Variants in PIK3C2G observed in about 807,000 individuals in gnomAD.
PIK3C2G encodes the protein phosphatidylinositol 3-kinase C2 domain-containing subunit gamma.
In PIK3C2G, 168 loss-of-function variants were observed where a neutral mutation model predicts 181.1. The ratio of observed to expected loss-of-function variants is 0.93; its 90% CI spans 0.82 to 1.05. PIK3C2G has a LOEUF of 1.05. Ranked by LOEUF, PIK3C2G falls within the 50% of genes least tolerant of loss-of-function variation. PIK3C2G has a pLI of 0.00. For missense variants in PIK3C2G, 1,869 were observed against 1,732.8 expected (o/e 1.08, Z -1.40); for synonymous variants, 573 against 592.2 (o/e 0.97, Z 0.47).
rs549981823 is a variant in PIK3C2G at position 18,589,176 on chromosome 12, C to G, written c.4012-5318C>G. Among the ~76,000 whole-genome samples the G allele has an allele frequency of 7.3e-4, 110 of 151,458 alleles. 1 individual carries two copies. Among genetic ancestry groups the G allele is most frequent in the Non-Finnish European group, 2.1e-4 (14 of 67,764 alleles). On this transcript the variant is annotated intron_variant, in intron 29 of 32. Coordinates refer to ENST00000538779, the MANE Select transcript of PIK3C2G (RefSeq NM_001288772.2). Reference sequence around the variant, plus strand: ...ACAAACCTGCACATGTACCTGTGAGCTTAAAAGTTTTTTAAAAAAAGAAAG... The same window carrying G: ...ACAAACCTGCACATGTACCTGTGAGGTTAAAAGTTTTTTAAAAAAAGAAAG...
At chr12:18,609,121 GAC>G (rs1365262737) in intron 30 of PIK3C2G, among the ~76,000 whole-genome samples, 1 of 151,990 alleles carries the variant, frequency 6.6e-6, no homozygotes, top group Admixed American at 6.6e-5. Context: ...TAGTCATGAT[GAC>G]ACAGTCATGA....
intron 6 of PIK3C2G, among the ~76,000 whole-genome samples, chr12:18,316,765 A>G (rs1009528443): frequency 6.6e-5 from 10 of 152,122 alleles, no homozygotes; most frequent in Admixed American, 5.9e-4. Context: ...AATGGATAAT[A>G]CACCTGATGG....
chr12:18,521,572 C>T (rs956235630), intron 24 of PIK3C2G, among the ~76,000 whole-genome samples: 3 of 152,198 alleles, frequency 2.0e-5, no homozygotes, highest in Non-Finnish European at 4.4e-5. Context: ...GGGTATACCT[C>T]TTGAGACCAA....
chr12:18,510,348 C>A (rs1423548311), intron 24 of PIK3C2G, among the ~76,000 whole-genome samples: 1 of 152,112 alleles, frequency 6.6e-6, no homozygotes, highest in Non-Finnish European at 1.5e-5. Context: ...CACTCAATTC[C>A]ACTGTAACAA....
rs1948887185 is a variant in PIK3C2G at position 18,274,440 on chromosome 12, T to C, written c.-78-7564T>C. 4.6e-5 allele frequency among the ~76,000 whole-genome samples: 7 copies of C among 152,204 alleles called. No homozygotes were observed. In the South Asian group the frequency reaches 1.4e-3, roughly 31 times the overall value. On this transcript the variant is annotated intron_variant, in intron 1 of 32. Transcript: ENST00000538779. ...AATGATAGACTGGATTAAGAAAATG[T>C]GGCACATATACACCATGGAATACTA...
At chr12:18,330,534 A>G (rs1278956639) in intron 8 of PIK3C2G, among the ~76,000 whole-genome samples, 1 of 152,114 alleles carries the variant, frequency 6.6e-6, no homozygotes, top group East Asian at 1.9e-4. Context: ...GTATTTCCTC[A>G]ATGGCTGATG....
At chr12:18,536,636 C>A (rs747252510) in intron 24 of PIK3C2G, among the ~76,000 whole-genome samples, 13 of 151,980 alleles carry the variant, frequency 8.6e-5, no homozygotes, top group Non-Finnish European at 1.5e-4. Context: ...ATCCTCACAG[C>A]AATTCTAAGA....
intron 1 of PIK3C2G, among the ~76,000 whole-genome samples, chr12:18,249,773 GCTAA>G (rs60366149): frequency 0.42 from 63,587 of 151,362 alleles, 13,899 homozygotes; most frequent in East Asian, 0.74. Flanking sequence ...AAAATCTTCT[GCTAA>G]CTTTTTTCAT....
At chr12:18,650,438 A>C (rs1950397633), downstream of PIK3C2G, among the ~76,000 whole-genome samples, 1 of 145,894 alleles carries the variant, frequency 6.9e-6, no homozygotes, top group African/African-American at 2.5e-5. Context: ...AATTTTTTTA[A>C]TCTTTGCCAT....
the PIK3C2G span, among the ~76,000 whole-genome samples, chr12:18,706,047 C>T: frequency 7.3e-5 from 11 of 151,182 alleles, no homozygotes; most frequent in South Asian, 2.1e-4. Context: ...GCCAACATGG[C>T]GAAACCCCAT....
chr12:18,480,098 G>A (rs1939409038), intron 18 of PIK3C2G, among the ~76,000 whole-genome samples: 1 of 152,084 alleles, frequency 6.6e-6, no homozygotes, highest in South Asian at 2.1e-4. Flanking sequence ...TTGGGGATCA[G>A]GAAAGGAGAA....
intron 30 of PIK3C2G, among the ~76,000 whole-genome samples, chr12:18,601,250 T>A (rs904848322): frequency 1.3e-5 from 2 of 151,248 alleles, no homozygotes; most frequent in African/African-American, 4.9e-5. Context: ...TAAAATTGAA[T>A]GACCTTTCTT....
At chr12:18,590,624 A>C (rs1022496823) in intron 29 of PIK3C2G, among the ~76,000 whole-genome samples, 1 of 151,918 alleles carries the variant, frequency 6.6e-6, no homozygotes, top group Non-Finnish European at 1.5e-5. Context: ...TAATTCTATA[A>C]ATCTTCAGAC....
At chr12:18,633,023 T>C (rs1265429936) in intron 31 of PIK3C2G, among the ~76,000 whole-genome samples, 7 of 152,296 alleles carry the variant, frequency 4.6e-5, no homozygotes, top group Middle Eastern at 3.4e-3. Flanking sequence ...TATATCTCCT[T>C]AACAGTCCTT....
intron 24 of PIK3C2G, among the ~76,000 whole-genome samples, chr12:18,525,364 A>G (rs564654129): frequency 6.6e-6 from 1 of 151,980 alleles, no homozygotes; most frequent in African/African-American, 2.4e-5. Context: ...TGTTACTCCA[A>G]CCTGGGCAAC....
the PIK3C2G span, among the ~76,000 whole-genome samples, chr12:18,706,803 G>C: frequency 6.6e-6 from 1 of 152,196 alleles, no homozygotes; most frequent in Non-Finnish European, 1.5e-5. Flanking sequence ...CTCTGTGGCT[G>C]CTGTGACAAA....
intron 24 of PIK3C2G, among the ~76,000 whole-genome samples, chr12:18,522,557 T>A (rs1008452898): frequency 4.6e-5 from 7 of 151,734 alleles, no homozygotes; most frequent in African/African-American, 1.7e-4. Flanking sequence ...GAATATATCA[T>A]CCTATTCTCT....
the PIK3C2G span, chr12:18,713,029 TA>T: frequency 6.2e-7 from 1 of 1,605,802 alleles, no homozygotes; most frequent in Non-Finnish European, 8.5e-7. Context: ...CCTGGACCAT[TA>T]AAAATATATA....
the PIK3C2G span, among the ~76,000 whole-genome samples, chr12:18,697,684 T>C: frequency 3.9e-5 from 6 of 152,172 alleles, no homozygotes; most frequent in Non-Finnish European, 2.9e-5. Flanking sequence ...CCCATTCTTT[T>C]GTATGTGTAT....
Sources: gnomAD v4.1 joint callset for allele counts (sites outside exome capture counted in the v4.1 genomes callset) on GRCh38, gnomAD v4.1.1 for gene constraint, MANE v1.5 for transcripts, NCBI Gene and HGNC (gene_info 2026-07-23, HGNC 2026-07-21) for gene names.